SYK: variants seen among roughly 807,000 people sequenced by gnomAD.
SYK encodes the protein spleen associated tyrosine kinase.
Under a neutral mutation model 77.8 loss-of-function variants are expected in SYK, and 16 were observed. The observed-to-expected ratio is 0.21, with a 90% CI of 0.14 to 0.31. The LOEUF (loss-of-function observed/expected upper bound fraction) is 0.31. Among genes scored for constraint, SYK ranks in the 10% least tolerant of loss-of-function variants. The probability of loss-of-function intolerance (pLI) is 1.00; values close to 1 mark genes in which losing one functional copy is unlikely to be tolerated. For synonymous variants in SYK, 312 were observed against 308.7 expected (o/e 1.01, Z -0.11); for missense variants, 529 against 814.4 (o/e 0.65, Z 4.26).
At chr9:90,819,159 C>T (rs1825413917) in intron 1 of SYK, among the ~76,000 whole-genome samples, 1 of 152,052 alleles carries the variant, frequency 6.6e-6, no homozygotes, top group African/African-American at 2.4e-5. Flanking sequence ...CCACTGAGGC[C>T]CTTGGTGAAT....
At chr9:90,862,821 G>A (rs1401098355) in intron 4 of SYK, among the ~76,000 whole-genome samples, 1 of 152,196 alleles carries the variant, frequency 6.6e-6, no homozygotes, top group Non-Finnish European at 1.5e-5. Flanking sequence ...GGAGGCCTAG[G>A]AACAGCCAAG....
chr9:90,869,911 T>G (rs1827664707), intron 7 of SYK, among the ~76,000 whole-genome samples: 1 of 152,122 alleles, frequency 6.6e-6, no homozygotes, highest in African/African-American at 2.4e-5. Context: ...AGTTCAAGAC[T>G]AGCCTGGCCA....
chr9:90,804,803 G>A (rs964978846), intron 1 of SYK, among the ~76,000 whole-genome samples: 8 of 152,254 alleles, frequency 5.3e-5, no homozygotes, highest in South Asian at 4.1e-4. Flanking sequence ...TAGGAAAAAA[G>A]GGTTTTCTAC....
At chr9:90,823,987 GA>G (rs2118437300) in intron 1 of SYK, among the ~76,000 whole-genome samples, 1 of 150,166 alleles carries the variant, frequency 6.7e-6, no homozygotes, top group Non-Finnish European at 1.5e-5. Context: ...CAACCAAATT[GA>G]TAAACCTTTA....
At chr9:90,812,950 T>C (rs1825148652) in intron 1 of SYK, among the ~76,000 whole-genome samples, 2 of 152,108 alleles carry the variant, frequency 1.3e-5, no homozygotes, top group Admixed American at 1.3e-4. Context: ...TTGCAGGAGG[T>C]GAATGCACAT....
chr9:90,897,757 C>T lies in SYK; in HGVS notation c.*2157C>T, dbSNP rs1476979668. The T allele has an allele frequency of 9.0e-6, 2 of 223,348 alleles. No individual in the cohort carries two copies. Among genetic ancestry groups the T allele is most frequent in the South Asian group, 1.8e-4 (1 of 5,456 alleles). 13.8% of individuals were successfully genotyped at this position (223,348 alleles called of 1,614,324 possible). A position where few individuals can be genotyped will look rare whatever the true frequency, so the allele number is the denominator to read the frequency against. On this transcript the variant is annotated 3_prime_UTR_variant, in exon 14 of 14. Coordinates refer to ENST00000375754, the MANE Select transcript of SYK (RefSeq NM_003177.7). ...TCCCTGCAGAGGTCCGGCCAGGTCTCCTTGTCCCTGGACAATCTCCTGAGC... is the reference window on the plus strand; with the variant it reads ...TCCCTGCAGAGGTCCGGCCAGGTCTTCTTGTCCCTGGACAATCTCCTGAGC...
At chr9:90,866,129 A>G (rs1040296723) in intron 6 of SYK, among the ~76,000 whole-genome samples, 6 of 152,002 alleles carry the variant, frequency 3.9e-5, no homozygotes, top group Non-Finnish European at 5.9e-5. Flanking sequence ...TCGATCTCCT[A>G]ACCTCGTGAT....
chr9:90,813,493 A>G (rs1384641550), intron 1 of SYK, among the ~76,000 whole-genome samples: 1 of 152,222 alleles, frequency 6.6e-6, no homozygotes, highest in Non-Finnish European at 1.5e-5. Context: ...TGTCAGAAGC[A>G]GACCAGGCCT....
At chr9:90,867,546 G>A (rs1451888988) in intron 7 of SYK, among the ~76,000 whole-genome samples, 3 of 152,184 alleles carry the variant, frequency 2.0e-5, no homozygotes, top group African/African-American at 7.2e-5. Flanking sequence ...CTTTTTGGTG[G>A]CCAGACTCAC....
chr9:90,834,247 C>T (rs908007829), intron 1 of SYK, among the ~76,000 whole-genome samples: 5 of 152,184 alleles, frequency 3.3e-5, no homozygotes, highest in African/African-American at 9.7e-5. Context: ...AAGTGTGGGT[C>T]TGGCTGCCCG....
chr9:90,889,442 TC>T (rs573475033), intron 13 of SYK, among the ~76,000 whole-genome samples: 185 of 152,328 alleles, frequency 1.2e-3, no homozygotes, highest in Non-Finnish European at 2.2e-3. Flanking sequence ...CTTTGCGGAA[TC>T]AGGTTTGCCT....
intron 1 of SYK, among the ~76,000 whole-genome samples, chr9:90,826,945 A>G (rs1006571610): frequency 1.3e-5 from 2 of 151,968 alleles, no homozygotes; most frequent in African/African-American, 4.8e-5. Context: ...CCTTTCCGCC[A>G]TTAAGACCAT....
chr9:90,874,517 C>T (rs555558507), intron 8 of SYK, among the ~76,000 whole-genome samples, 155 bp from the exon 9 acceptor site: 1 of 152,284 alleles, frequency 6.6e-6, no homozygotes, highest in African/African-American at 2.4e-5. Flanking sequence ...CACCCAACGA[C>T]GTTGGAAATG....
chr9:90,862,834 G>T (rs778476232), intron 4 of SYK, among the ~76,000 whole-genome samples: 1 of 152,214 alleles, frequency 6.6e-6, no homozygotes, highest in Non-Finnish European at 1.5e-5. Context: ...CAGCCAAGCA[G>T]GACTTTGTTG....
At chr9:90,867,950 T>C (rs1827581963) in intron 7 of SYK, among the ~76,000 whole-genome samples, 1 of 152,216 alleles carries the variant, frequency 6.6e-6, no homozygotes, top group Non-Finnish European at 1.5e-5. Flanking sequence ...TGGGGTAAAA[T>C]TGGTTCTTTT....
At chr9:90,852,047 G>A (rs1191321156) in intron 3 of SYK, among the ~76,000 whole-genome samples, 1 of 152,056 alleles carries the variant, frequency 6.6e-6, no homozygotes, top group African/African-American at 2.4e-5. Flanking sequence ...TTTCCTCCAT[G>A]TCCTTGACTT....
In SYK at chr9:90,884,528, T is replaced by TGTGTACATGTACATACATACACATAC. The variant is rs1828376142; in HGVS notation, c.1582-3220_1582-3195dup. ...ATGTACATACATACACATACACATATGTGTACATGTACATACATACACATA... is the reference window on the plus strand; with the variant it reads ...ATGTACATACATACACATACACATATGTGTACATGTACATACATACACATACGTGTACATGTACATACATACACATA... On this transcript the variant is annotated intron_variant, in intron 11 of 13. Transcript: ENST00000375754. Among the ~76,000 whole-genome samples the TGTGTACATGTACATACATACACATAC allele has an allele frequency of 1.6e-5, 2 of 124,296 alleles. 1 individual carries two copies. The highest frequency in any genetic ancestry group is 6.3e-5 in the African/African-American group (2 of 31,806). 81.5% of individuals were successfully genotyped at this position (124,296 alleles called of 152,430 possible). A position where few individuals can be genotyped will look rare whatever the true frequency, so the allele number is the denominator to read the frequency against.
At chr9:90,847,326 G>A (rs893440913) in intron 3 of SYK, among the ~76,000 whole-genome samples, 55 of 152,240 alleles carry the variant, frequency 3.6e-4, no homozygotes, top group African/African-American at 1.2e-3. Context: ...CCAGGCATGG[G>A]CCTGTGAGAG....
intron 1 of SYK, among the ~76,000 whole-genome samples, chr9:90,815,186 T>A (rs1294569225): frequency 6.6e-6 from 1 of 152,214 alleles, no homozygotes; most frequent in Non-Finnish European, 1.5e-5. Flanking sequence ...GTAACGTGTT[T>A]CTCACGAAGG....
Sources: allele counts gnomAD v4.1 joint callset (sites outside exome capture counted in the v4.1 genomes callset), GRCh38; gene constraint gnomAD v4.1.1; transcripts MANE v1.5; gene names NCBI Gene and HGNC (gene_info 2026-07-23, HGNC 2026-07-21).